The following TTC6 variants were observed in gnomAD, a reference collection of about 807,000 sequenced individuals.
TTC6 encodes the protein tetratricopeptide repeat domain 6.
Under a neutral mutation model 210.4 loss-of-function variants are expected in TTC6, and 172 were observed. That is an observed-to-expected ratio of 0.82 (90% CI 0.72 to 0.93). The LOEUF (loss-of-function observed/expected upper bound fraction) is 0.93, where lower values mean the gene tolerates loss of function less well. TTC6 is among the 40% of genes least tolerant of loss of function. TTC6 has a pLI of 0.00. For synonymous variants in TTC6, 804 were observed against 819.6 expected (o/e 0.98, Z 0.32); for missense variants, 2,414 against 2,318.1 (o/e 1.04, Z -0.85).
At chr14:37,673,682 G>C (rs1382453722) in intron 1 of TTC6, among the ~76,000 whole-genome samples, 1 of 152,110 alleles carries the variant, frequency 6.6e-6, no homozygotes, top group African/African-American at 2.4e-5. Context: ...TGGTCTGTTT[G>C]TTTTGAATAC....
chr14:37,750,240 C>A (rs2095947722), intron 12 of TTC6, among the ~76,000 whole-genome samples: 1 of 152,120 alleles, frequency 6.6e-6, no homozygotes, highest in Non-Finnish European at 1.5e-5. Context: ...TATATCTTTG[C>A]TCTTATGTAC....
exon 1 of TTC6, chr14:37,595,988 C>G (rs1368204178): frequency 6.6e-6 from 1 of 152,258 alleles, no homozygotes. Context: ...CCACGAAACT[C>G]GTACCTGCGG....
At chr14:37,712,476 A>G (rs2095846146) in intron 5 of TTC6, among the ~76,000 whole-genome samples, 1 of 152,174 alleles carries the variant, frequency 6.6e-6, no homozygotes, top group South Asian at 2.1e-4. Flanking sequence ...AAACAGAAAC[A>G]TCTTGTATTT....
At chr14:37,636,625 A>T (rs2095681333) in intron 1 of TTC6, among the ~76,000 whole-genome samples, 1 of 152,186 alleles carries the variant, frequency 6.6e-6, no homozygotes, top group Non-Finnish European at 1.5e-5. Context: ...ATGAGGGGAA[A>T]ATTAATAGCA....
chr14:37,601,081 A>G (rs1033576752), intron 1 of TTC6, among the ~76,000 whole-genome samples: 1 of 152,164 alleles, frequency 6.6e-6, no homozygotes, highest in Middle Eastern at 3.2e-3. Context: ...GTTGCCTACC[A>G]GAATCATGGA....
chr14:37,814,659 G>A (rs909425750), intron 25 of TTC6, among the ~76,000 whole-genome samples: 4 of 152,128 alleles, frequency 2.6e-5, no homozygotes, highest in Non-Finnish European at 5.9e-5. Flanking sequence ...TTTAAATATA[G>A]TGATATAGAT....
intron 1 of TTC6, among the ~76,000 whole-genome samples, chr14:37,657,212 C>CAA (rs61052302): frequency 0.097 from 3,468 of 35,608 alleles, 800 homozygotes; most frequent in Non-Finnish European, 0.13. Flanking sequence ...AACTCTGTCT[C>CAA]AAAAAAAAAA....
intron 1 of TTC6, among the ~76,000 whole-genome samples, chr14:37,659,199 T>A (rs2095731663): frequency 6.6e-6 from 1 of 152,194 alleles, no homozygotes; most frequent in Non-Finnish European, 1.5e-5. Context: ...ACATTTAGGT[T>A]GATTCCATGT....
intron 14 of TTC6, among the ~76,000 whole-genome samples, chr14:37,783,606 A>AG (rs1188930290): frequency 1.3e-5 from 2 of 151,858 alleles, no homozygotes; most frequent in Non-Finnish European, 2.9e-5. Flanking sequence ...GATTTTTTGA[A>AG]GGATTTTTTG....
chr14:37,694,229 G>A (rs756089044), intron 3 of TTC6, among the ~76,000 whole-genome samples: 2 of 151,972 alleles, frequency 1.3e-5, no homozygotes, highest in Non-Finnish European at 2.9e-5. Context: ...TTAATAACCA[G>A]GATATATGAG....
intron 1 of TTC6, among the ~76,000 whole-genome samples, chr14:37,672,057 T>TA (rs1468311516): frequency 1.3e-5 from 2 of 152,310 alleles, no homozygotes; most frequent in Non-Finnish European, 2.9e-5. Flanking sequence ...GAAAACAGAC[T>TA]AATACACTCA....
chr14:37,717,469 G>A (rs1482570287), intron 6 of TTC6, among the ~76,000 whole-genome samples: 2 of 151,980 alleles, frequency 1.3e-5, no homozygotes, highest in Non-Finnish European at 2.9e-5. Context: ...AGAAATTCTC[G>A]AAAAACACAA....
At chr14:37,699,130 GA>G (rs951393113) in intron 4 of TTC6, among the ~76,000 whole-genome samples, 1 of 152,010 alleles carries the variant, frequency 6.6e-6, no homozygotes, top group African/African-American at 2.4e-5. Flanking sequence ...TTGTAAAAAA[GA>G]AAAAAAGATA....
intron 14 of TTC6, among the ~76,000 whole-genome samples, chr14:37,755,287 C>T (rs2095964192): frequency 6.6e-6 from 1 of 151,998 alleles, no homozygotes; most frequent in African/African-American, 2.4e-5. Flanking sequence ...AGACCTTTGT[C>T]AGATGAATAG....
intron 18 of TTC6, 48 bp downstream of exon 20, chr14:37,795,400 G>T (rs779927233): frequency 3.2e-6 from 4 of 1,264,668 alleles, no homozygotes; most frequent in South Asian, 2.9e-5. Context: ...TAGCATCAGA[G>T]AAATTGAATG....
intron 8 of TTC6, 26 bp from the exon 11 acceptor site, chr14:37,737,634 A>G (rs1236104136): frequency 3.7e-6 from 5 of 1,342,552 alleles, no homozygotes; most frequent in East Asian, 2.5e-5. Context: ...TGACTAATGT[A>G]TATTTTTCAT....
chr14:37,741,493 T>C (rs1309626299), intron 10 of TTC6, among the ~76,000 whole-genome samples: 1 of 152,032 alleles, frequency 6.6e-6, no homozygotes, highest in Non-Finnish European at 1.5e-5. Flanking sequence ...TTTTGTCATG[T>C]TGGCCAGGCT....
chr14:37,666,002 G>A (rs1413937095), intron 1 of TTC6, among the ~76,000 whole-genome samples: 2 of 150,456 alleles, frequency 1.3e-5, no homozygotes, highest in Admixed American at 6.6e-5. Flanking sequence ...AATGAATATA[G>A]GATCACTAAA....
chr14:37,642,125 A>G (rs558727290), intron 1 of TTC6, among the ~76,000 whole-genome samples: 1 of 152,202 alleles, frequency 6.6e-6, no homozygotes, highest in East Asian at 1.9e-4. Flanking sequence ...TCTCTTTCAG[A>G]TCTCTGCTTT....
Sources: gnomAD v4.1 joint callset for allele counts (sites outside exome capture counted in the v4.1 genomes callset) on GRCh38, gnomAD v4.1.1 for gene constraint, MANE v1.5 for transcripts, NCBI Gene and HGNC (gene_info 2026-07-23, HGNC 2026-07-21) for gene names.